The following PTPRM variants were observed in gnomAD, a reference collection of about 807,000 sequenced individuals.
PTPRM encodes the protein protein tyrosine phosphatase receptor type M.
PTPRM carries 47 observed loss-of-function variants against 186.7 expected under a neutral mutation model. The ratio of observed to expected loss-of-function variants is 0.25; its 90% confidence interval spans 0.20 to 0.32. The LOEUF is 0.32. Among genes scored for constraint, PTPRM ranks in the 10% least tolerant of loss-of-function variants. The pLI is 1.00. For missense variants in PTPRM, 1,494 were observed against 1,865.0 expected, an observed-to-expected ratio of 0.80 and a Z score of 3.66; for synonymous variants, 668 against 674.9, an observed-to-expected ratio of 0.99 and a Z score of 0.16.
chr18:7,816,607 A>C (rs1426900521), intron 2 of PTPRM, among the ~76,000 whole-genome samples: 2 of 152,162 alleles, frequency 1.3e-5, no homozygotes, highest in Non-Finnish European at 2.9e-5. Context: ...AACATTTAGA[A>C]ATTTTACGTC....
chr18:7,771,268 C>T (rs2042257847), intron 1 of PTPRM, among the ~76,000 whole-genome samples: 1 of 152,194 alleles, frequency 6.6e-6, no homozygotes, highest in African/African-American at 2.4e-5. Context: ...GGGACCTTCT[C>T]TGTCAAAATT....
At chr18:8,050,921 G>A (rs1376992117) in intron 7 of PTPRM, among the ~76,000 whole-genome samples, 2 of 152,086 alleles carry the variant, frequency 1.3e-5, no homozygotes, top group Non-Finnish European at 2.9e-5. Context: ...CAGAAGTTTG[G>A]GTGAGGGGAG....
At chr18:7,695,338 C>T (rs556001558) in intron 1 of PTPRM, among the ~76,000 whole-genome samples, 1 of 152,210 alleles carries the variant, frequency 6.6e-6, no homozygotes, top group South Asian at 2.1e-4. Context: ...CACAATGCAG[C>T]GTATGGTTTG....
chr18:8,063,691 G>A (rs1035152810), intron 7 of PTPRM, among the ~76,000 whole-genome samples: 3 of 152,054 alleles, frequency 2.0e-5, no homozygotes, highest in Non-Finnish European at 2.9e-5. Context: ...GATATATGGC[G>A]TAGTGGTGAA....
intron 1 of PTPRM, among the ~76,000 whole-genome samples, chr18:7,638,959 T>C (rs368418474): frequency 1.3e-5 from 2 of 152,240 alleles, no homozygotes; most frequent in South Asian, 4.1e-4. Context: ...GAAAAGTTGA[T>C]CATCTTGAAT....
intron 1 of PTPRM, among the ~76,000 whole-genome samples, chr18:7,605,678 T>C (rs1309114793): frequency 1.3e-5 from 2 of 152,216 alleles, no homozygotes; most frequent in Non-Finnish European, 2.9e-5. Flanking sequence ...ACACTACTTA[T>C]TTGCAATGTT....
At chr18:7,904,985 T>C (rs1472829277) in intron 3 of PTPRM, among the ~76,000 whole-genome samples, 1 of 151,754 alleles carries the variant, frequency 6.6e-6, no homozygotes, top group East Asian at 1.9e-4. Flanking sequence ...CTTTCTTTCC[T>C]TTTTTTTATT....
At chr18:8,219,261 AT>A (rs1404309291) in intron 14 of PTPRM, among the ~76,000 whole-genome samples, 1 of 152,164 alleles carries the variant, frequency 6.6e-6, no homozygotes, top group African/African-American at 2.4e-5. Flanking sequence ...AGGTCAGGCG[AT>A]CGAGACCATC....
At chr18:7,999,633 G>A (rs138053560) in intron 7 of PTPRM, among the ~76,000 whole-genome samples, 1 of 151,784 alleles carries the variant, frequency 6.6e-6, no homozygotes, top group Non-Finnish European at 1.5e-5. Context: ...GTGCAAAATT[G>A]ACAATGGCAA....
chr18:8,303,137 G>A (rs2095178706), intron 20 of PTPRM, among the ~76,000 whole-genome samples: 1 of 152,044 alleles, frequency 6.6e-6, no homozygotes. Flanking sequence ...TTAATAATGG[G>A]CGGTCCTGAG....
intron 22 of PTPRM, among the ~76,000 whole-genome samples, chr18:8,320,392 T>C (rs2095338367): frequency 6.6e-6 from 1 of 152,118 alleles, no homozygotes; most frequent in African/African-American, 2.4e-5. Context: ...GAGGCAGTTG[T>C]AGCCAGAGAG....
intron 31 of PTPRM, among the ~76,000 whole-genome samples, chr18:8,387,504 G>GAAAA (rs11375233): frequency 6.1e-5 from 9 of 147,260 alleles, no homozygotes; most frequent in Non-Finnish European, 3.0e-5. Context: ...CTGCCAAGAG[G>GAAAA]AAAAAAAAAA....
intron 9 of PTPRM, among the ~76,000 whole-genome samples, chr18:8,085,340 GTA>G (rs1180272710): frequency 6.6e-6 from 1 of 151,882 alleles, no homozygotes; most frequent in East Asian, 1.9e-4. Context: ...TGAGCTAGTT[GTA>G]TATTTTCTTA....
chr18:8,317,513 C>T (rs112792650), intron 21 of PTPRM, among the ~76,000 whole-genome samples: 16 of 152,192 alleles, frequency 1.1e-4, no homozygotes, highest in Admixed American at 2.6e-4. Flanking sequence ...AGTGTACAGA[C>T]GAGCTTGAAG....
intron 2 of PTPRM, among the ~76,000 whole-genome samples, chr18:7,834,509 C>CAT (rs1567889640): frequency 4.4e-4 from 22 of 50,078 alleles, no homozygotes; most frequent in African/African-American, 9.9e-4. Context: ...CACACACACA[C>CAT]ACACACACAC....
At chr18:8,201,966 G>T (rs2093864514) in intron 14 of PTPRM, among the ~76,000 whole-genome samples, 1 of 152,192 alleles carries the variant, frequency 6.6e-6, no homozygotes, top group African/African-American at 2.4e-5. Flanking sequence ...ACCCTTGACA[G>T]AAACATTATC....
At chr18:7,988,671 A>G (rs1258824795) in intron 7 of PTPRM, among the ~76,000 whole-genome samples, 4 of 152,160 alleles carry the variant, frequency 2.6e-5, no homozygotes, top group Non-Finnish European at 5.9e-5. Flanking sequence ...ATGGTTTTCC[A>G]CGTGTCTGAC....
intron 7 of PTPRM, among the ~76,000 whole-genome samples, chr18:8,021,683 G>T (rs904425955): frequency 6.6e-6 from 1 of 152,064 alleles, no homozygotes; most frequent in Non-Finnish European, 1.5e-5. Flanking sequence ...CACTGCAAAG[G>T]ACATGATCTC....
At chr18:7,829,876 C>A (rs1567882093) in intron 2 of PTPRM, among the ~76,000 whole-genome samples, 1 of 152,178 alleles carries the variant, frequency 6.6e-6, no homozygotes, top group African/African-American at 2.4e-5. Context: ...ACTTTCCCCC[C>A]TTTTTTGTGT....
Sources: gnomAD v4.1 joint callset for allele counts (sites outside exome capture counted in the v4.1 genomes callset) on GRCh38, gnomAD v4.1.1 for gene constraint, MANE v1.5 for transcripts, NCBI Gene and HGNC (gene_info 2026-07-23, HGNC 2026-07-21) for gene names.